NBAS: variants seen among roughly 807,000 people sequenced by gnomAD.
The protein encoded by NBAS is NAG/BC035112 fusion.
In NBAS, 219 loss-of-function variants were observed where a neutral mutation model predicts 302.5. The observed-to-expected ratio is 0.72, with a 90% CI of 0.65 to 0.81. The LOEUF (loss-of-function observed/expected upper bound fraction) is 0.81, where lower values mean the gene tolerates loss of function less well. Among genes scored for constraint, NBAS ranks in the 30% least tolerant of loss-of-function variants. The pLI is 0.00. For synonymous variants in NBAS, 1,118 were observed against 1,021.6 expected (o/e 1.09, Z -1.80); for missense variants, 2,932 against 2,841.6 (o/e 1.03, Z -0.72).
chr2:15,107,170 AGGGG>A, the NBAS span, among the ~76,000 whole-genome samples: 1 of 152,098 alleles, frequency 6.6e-6, no homozygotes, highest in African/African-American at 2.4e-5. Flanking sequence ...ATGAACTTAT[AGGGG>A]TAGGATCTTA....
chr2:14,818,470 C>T, the NBAS span, among the ~76,000 whole-genome samples: 14 of 152,088 alleles, frequency 9.2e-5, no homozygotes, highest in Admixed American at 9.2e-4. Context: ...ATTGACTTGC[C>T]CAGAATCACA....
intron 2 of NBAS, 30 bp downstream of exon 2, chr2:15,558,550 C>A (rs1664753449): frequency 4.4e-6 from 7 of 1,586,964 alleles, no homozygotes; most frequent in Non-Finnish European, 6.0e-6. Context: ...TTAACCATAT[C>A]ATTACTGTAG....
chr2:14,900,440 ATTCCT>A, the NBAS span, among the ~76,000 whole-genome samples: 1 of 152,168 alleles, frequency 6.6e-6, no homozygotes, highest in Admixed American at 6.5e-5. Context: ...TTGTACAGGT[ATTCCT>A]TTCATCTGCT....
At chr2:15,161,262 A>G in the NBAS span, among the ~76,000 whole-genome samples, 3 of 152,288 alleles carry the variant, frequency 2.0e-5, no homozygotes, top group African/African-American at 7.2e-5. Flanking sequence ...GCTAAAGTCT[A>G]TGAGAGACTT....
chr2:15,216,178 T>C (rs1666645910), intron 48 of NBAS, among the ~76,000 whole-genome samples: 1 of 152,232 alleles, frequency 6.6e-6, no homozygotes, highest in African/African-American at 2.4e-5. Flanking sequence ...AGACTCTAGA[T>C]GAGTAGCATC....
chr2:15,178,208 A>G (rs1664643922), intron 51 of NBAS: 1 of 466,952 alleles, frequency 2.1e-6, no homozygotes, highest in Admixed American at 2.4e-5. Context: ...ATATACATAT[A>G]TATGTATATA....
At chr2:15,389,308 C>T (rs1433740421) in intron 28 of NBAS, among the ~76,000 whole-genome samples, 1 of 152,204 alleles carries the variant, frequency 6.6e-6, no homozygotes, top group Non-Finnish European at 1.5e-5. Flanking sequence ...CATTCTCCTA[C>T]TGATGTGAGG....
chr2:15,119,806 C>T, the NBAS span, among the ~76,000 whole-genome samples: 1 of 152,226 alleles, frequency 6.6e-6, no homozygotes, highest in East Asian at 1.9e-4. Flanking sequence ...CCTGCTGGGT[C>T]CCTGCTGCTT....
chr2:15,073,415 G>A, the NBAS span, among the ~76,000 whole-genome samples: 1 of 147,948 alleles, frequency 6.8e-6, no homozygotes, highest in Admixed American at 6.8e-5. Flanking sequence ...GGCAGAGGTT[G>A]CAGTGAGCCA....
At chr2:14,809,849 G>A in the NBAS span, among the ~76,000 whole-genome samples, 3 of 152,316 alleles carry the variant, frequency 2.0e-5, no homozygotes, top group South Asian at 6.2e-4. Flanking sequence ...AGCCACAGGG[G>A]TGGAGCTGCC....
chr2:14,880,068 G>A, the NBAS span, among the ~76,000 whole-genome samples: 1 of 152,274 alleles, frequency 6.6e-6, no homozygotes, highest in East Asian at 1.9e-4. Context: ...ACTTAGCAGT[G>A]AGGATAAAGA....
the NBAS span, among the ~76,000 whole-genome samples, chr2:14,803,519 A>G: frequency 6.6e-6 from 1 of 152,342 alleles, no homozygotes; most frequent in South Asian, 2.1e-4. Context: ...TTCCCCAGGT[A>G]GTAAGCTGAG....
chr2:15,276,295 C>T (rs1669580173), intron 43 of NBAS, among the ~76,000 whole-genome samples: 1 of 152,132 alleles, frequency 6.6e-6, no homozygotes, highest in Admixed American at 6.6e-5. Context: ...GGAACTCTCA[C>T]AATTATTATG....
chr2:14,874,671 G>A, the NBAS span, among the ~76,000 whole-genome samples: 1 of 143,898 alleles, frequency 6.9e-6, no homozygotes, highest in East Asian at 2.0e-4. Flanking sequence ...GAGATTATAA[G>A]AAGCAAAAAC....
chr2:15,030,306 G>T, the NBAS span, among the ~76,000 whole-genome samples: 618 of 152,326 alleles, frequency 4.1e-3, 6 homozygotes, highest in African/African-American at 0.014. Context: ...AGAGGAGAGT[G>T]CAAGGAAGGG....
the NBAS span, among the ~76,000 whole-genome samples, chr2:14,910,138 G>A: frequency 3.9e-5 from 6 of 152,246 alleles, no homozygotes; most frequent in African/African-American, 1.4e-4. Context: ...AAAAATATCA[G>A]AAAAATTACA....
intron 7 of NBAS, chr2:15,538,245 A>G (rs1055649316): frequency 3.4e-6 from 1 of 293,066 alleles, no homozygotes; most frequent in Admixed American, 4.0e-5. Context: ...ATTTGAGCAC[A>G]CATACAGCTC....
chr2:15,258,282 T>A (rs1668694274), intron 44 of NBAS, among the ~76,000 whole-genome samples: 1 of 152,158 alleles, frequency 6.6e-6, no homozygotes, highest in Admixed American at 6.5e-5. Context: ...TTGTAAAATG[T>A]GTGTTTGAAC....
At chr2:15,259,607 T>C (rs1402820149) in intron 44 of NBAS, among the ~76,000 whole-genome samples, 1 of 152,226 alleles carries the variant, frequency 6.6e-6, no homozygotes, top group African/African-American at 2.4e-5. Flanking sequence ...ATCAGTCTCT[T>C]TGCAATATAA....
Sources: allele counts gnomAD v4.1 joint callset (sites outside exome capture counted in the v4.1 genomes callset), GRCh38; gene constraint gnomAD v4.1.1; transcripts MANE v1.5; gene names NCBI Gene and HGNC (gene_info 2026-07-23, HGNC 2026-07-21).